RP1: variants seen among roughly 807,000 people sequenced by gnomAD.
The protein encoded by RP1 is RP1 axonemal microtubule associated.
A neutral mutation model predicts 14.8 loss-of-function variants in RP1; 16 were observed. The observed-to-expected ratio is 1.08, with a 90% CI of 0.73 to 1.65. The LOEUF (loss-of-function observed/expected upper bound fraction) is 1.65. Ranked by LOEUF, RP1 falls within the 40% of genes most tolerant of loss-of-function variation. The pLI, the probability that RP1 is intolerant of heterozygous loss-of-function variation, is 0.00. For synonymous variants in RP1, 876 were observed against 883.6 expected, an observed-to-expected ratio of 0.99 and a Z score of 0.15; for missense variants, 2,631 against 2,535.0, an observed-to-expected ratio of 1.04 and a Z score of -0.81.
At chr8:54,708,710 T>G (rs1808219048) in intron 15 of RP1, among the ~76,000 whole-genome samples, 1 of 140,848 alleles carries the variant, frequency 7.1e-6, no homozygotes, top group African/African-American at 2.5e-5. Context: ...TCTCTCTGAC[T>G]CTTCCATTTT....
At chr8:54,560,210 C>T (rs1804254429) in intron 1 of RP1, 1 of 152,040 alleles carries the variant, frequency 6.6e-6, no homozygotes, top group Admixed American at 6.6e-5. Flanking sequence ...ACCTCCATCC[C>T]CCAGGAGTTT....
At chr8:54,865,967 TA>T in intron 28 of RP1, 1 of 798,950 alleles carries the variant, frequency 1.3e-6, no homozygotes, top group Non-Finnish European at 1.7e-6. Flanking sequence ...TTGTCCAATT[TA>T]TTCCACCTGT....
At chr8:54,606,351 A>G (rs528079690) in intron 1 of RP1, among the ~76,000 whole-genome samples, 80 of 151,982 alleles carry the variant, frequency 5.3e-4, no homozygotes, top group African/African-American at 1.8e-3. Context: ...TCTTTTCTTT[A>G]AGAATGTTGA....
chr8:54,754,007 C>CT (rs1809438815), intron 19 of RP1, among the ~76,000 whole-genome samples: 1 of 152,118 alleles, frequency 6.6e-6, no homozygotes, highest in African/African-American at 2.4e-5. Flanking sequence ...TGATAGGAGG[C>CT]AAGGCAAACA....
At chr8:54,726,308 T>C in intron 16 of RP1, 1 of 1,496,818 alleles carries the variant, frequency 6.7e-7, no homozygotes. Flanking sequence ...AACAAGTGAT[T>C]TTGAAAGGAT....
intron 13 of RP1, among the ~76,000 whole-genome samples, chr8:54,700,886 G>A (rs1026318357): frequency 3.3e-5 from 5 of 152,110 alleles, no homozygotes; most frequent in African/African-American, 4.8e-5. Context: ...TAGCTCTGCC[G>A]CCTCCCTGCC....
At chr8:54,859,448 G>A (rs1461672446) in intron 27 of RP1, among the ~76,000 whole-genome samples, 1 of 151,662 alleles carries the variant, frequency 6.6e-6, no homozygotes, top group South Asian at 2.1e-4. Context: ...TTTCACTGTA[G>A]GGTGGTGTCA....
chr8:54,724,453 C>T (rs775565372), intron 16 of RP1, among the ~76,000 whole-genome samples: 2 of 152,142 alleles, frequency 1.3e-5, no homozygotes, highest in Non-Finnish European at 2.9e-5. Context: ...AAGTGAGTCA[C>T]TAATCATCCA....
intron 28 of RP1, among the ~76,000 whole-genome samples, chr8:54,867,749 C>G (rs559470510): frequency 2.0e-5 from 3 of 152,162 alleles, no homozygotes; most frequent in Non-Finnish European, 4.4e-5. Flanking sequence ...TTAGAACTCT[C>G]AAATAATTGA....
At chr8:54,671,898 G>T (rs2129332669) in intron 7 of RP1, among the ~76,000 whole-genome samples, 1 of 152,142 alleles carries the variant, frequency 6.6e-6, no homozygotes, top group South Asian at 2.1e-4. Context: ...TAGGCTTTGT[G>T]ATCTTTTACT....
intron 1 of RP1, among the ~76,000 whole-genome samples, chr8:54,603,024 G>A (rs1012067395): frequency 7.2e-5 from 11 of 151,988 alleles, no homozygotes; most frequent in South Asian, 4.1e-4. Context: ...TCTGCTGTGT[G>A]GAAGCTCTTT....
chr8:54,646,404 TG>T (rs923188694), intron 3 of RP1, among the ~76,000 whole-genome samples: 10 of 152,292 alleles, frequency 6.6e-5, no homozygotes, highest in Non-Finnish European at 8.8e-5. Context: ...AATATTCTGA[TG>T]TTTTTCTCTT....
chr8:54,754,923 G>A (rs1243470039), exon 20 of RP1: 2 of 1,522,400 alleles, frequency 1.3e-6, no homozygotes, highest in South Asian at 2.5e-5. Flanking sequence ...AGGAGGACAA[G>A]CTATTTTTCC....
chr8:54,686,686 GAAGGACCAGACA>G (rs1807570732), intron 12 of RP1, among the ~76,000 whole-genome samples: 1 of 152,126 alleles, frequency 6.6e-6, no homozygotes, highest in South Asian at 2.1e-4. Flanking sequence ...TCACTAAAAG[GAAGGACCAGACA>G]ATGAAAGCTA....
chr8:54,598,092 A>G (rs1397915341), intron 1 of RP1, among the ~76,000 whole-genome samples: 1 of 152,138 alleles, frequency 6.6e-6, no homozygotes, highest in Non-Finnish European at 1.5e-5. Flanking sequence ...TGAGAATATT[A>G]TATAAATTAA....
intron 8 of RP1, chr8:54,678,414 G>T (rs1220737661): frequency 2.1e-6 from 3 of 1,433,146 alleles, no homozygotes; most frequent in South Asian, 2.5e-5. Context: ...AGTATTATTA[G>T]GCCATATTTA....
chr8:54,849,497 G>C (rs1812009064), intron 25 of RP1, among the ~76,000 whole-genome samples: 1 of 151,922 alleles, frequency 6.6e-6, no homozygotes. Flanking sequence ...TGAAAAGCAA[G>C]TATATTAAAA....
chr8:54,741,139 G>A (rs140734820), intron 19 of RP1, among the ~76,000 whole-genome samples: 179 of 152,162 alleles, frequency 1.2e-3, no homozygotes, highest in African/African-American at 4.2e-3. Flanking sequence ...TTACAAAAGA[G>A]TCAAAAAGTT....
intron 24 of RP1, among the ~76,000 whole-genome samples, chr8:54,812,415 A>C (rs2129393534): frequency 6.6e-6 from 1 of 152,320 alleles, no homozygotes; most frequent in East Asian, 1.9e-4. Context: ...TGCTGGGATT[A>C]CAGGCGTGAG....
Sources: allele counts gnomAD v4.1 joint callset (sites outside exome capture counted in the v4.1 genomes callset), GRCh38; gene constraint gnomAD v4.1.1; transcripts MANE v1.5; gene names NCBI Gene and HGNC (gene_info 2026-07-23, HGNC 2026-07-21).